Variants in PRKCA observed in about 807,000 individuals in gnomAD.
PRKCA encodes protein kinase C alpha.
Under a neutral mutation model 87.0 loss-of-function variants are expected in PRKCA, and 27 were observed. The observed-to-expected ratio is 0.31, with a 90% CI of 0.23 to 0.43. The LOEUF is 0.43. Among genes scored for constraint, PRKCA ranks in the 20% least tolerant of loss-of-function variants. The pLI is 1.00. For missense variants in PRKCA, 518 were observed against 852.3 expected (o/e 0.61, Z 4.88); for synonymous variants, 329 against 311.1 (o/e 1.06, Z -0.61).
chr17:66,351,331 G>C (rs1473260049), intron 2 of PRKCA, among the ~76,000 whole-genome samples: 5 of 152,252 alleles, frequency 3.3e-5, no homozygotes, highest in Non-Finnish European at 4.4e-5. Flanking sequence ...CTCCAGCCCA[G>C]TTTTGGTGCC....
intron 2 of PRKCA, among the ~76,000 whole-genome samples, chr17:66,467,901 AC>A (rs934056073): frequency 5.3e-5 from 8 of 152,080 alleles, no homozygotes; most frequent in African/African-American, 7.2e-5. Context: ...AAAAAAAAAA[AC>A]AACAGAAAAC....
intron 2 of PRKCA, among the ~76,000 whole-genome samples, chr17:66,447,793 C>T (rs76470287): frequency 0.022 from 3,427 of 152,324 alleles, 128 homozygotes; most frequent in African/African-American, 0.078. Flanking sequence ...GGCTATGTGG[C>T]TACCTCCTCA....
chr17:66,629,426 C>T (rs1394672011), intron 3 of PRKCA, among the ~76,000 whole-genome samples: 1 of 152,178 alleles, frequency 6.6e-6, no homozygotes, highest in South Asian at 2.1e-4. Flanking sequence ...GTACCTCACA[C>T]AATGACCTGA....
intron 2 of PRKCA, among the ~76,000 whole-genome samples, chr17:66,344,897 C>T (rs2143381018): frequency 1.3e-5 from 2 of 152,304 alleles, no homozygotes; most frequent in South Asian, 2.1e-4. Context: ...TCCCAAGTAG[C>T]TGGGAATGCA....
At chr17:66,537,809 G>T (rs1446328653) in intron 3 of PRKCA, among the ~76,000 whole-genome samples, 1 of 152,040 alleles carries the variant, frequency 6.6e-6, no homozygotes, top group Non-Finnish European at 1.5e-5. Flanking sequence ...TTCTTTTACT[G>T]GTTTGTTTAT....
intron 2 of PRKCA, among the ~76,000 whole-genome samples, chr17:66,314,989 A>G (rs987359968): frequency 4.6e-5 from 7 of 151,624 alleles, no homozygotes; most frequent in South Asian, 2.1e-4. Context: ...ATGTATGTGT[A>G]TATATATGTG....
intron 14 of PRKCA, among the ~76,000 whole-genome samples, chr17:66,780,426 C>T (rs1288189131): frequency 1.3e-5 from 2 of 152,178 alleles, no homozygotes; most frequent in Non-Finnish European, 2.9e-5. Flanking sequence ...CCTATAGTCT[C>T]AGCACTTTGG....
At position 66,521,207 on chromosome 17, in the gene PRKCA, C is replaced by T. The variant is rs185050229; in HGVS notation, c.288+24924C>T. ...CTGCAGTTTCTCTTGCAAGTATATTCACAGACAGTGAAAGGAAGTATTTGG... is the reference window on the plus strand; with the variant it reads ...CTGCAGTTTCTCTTGCAAGTATATTTACAGACAGTGAAAGGAAGTATTTGG... On this transcript the variant is annotated intron_variant, in intron 3 of 16. Coordinates refer to ENST00000413366, the MANE Select transcript of PRKCA (RefSeq NM_002737.3). Among the ~76,000 whole-genome samples, 408 of 152,206 alleles carry T rather than the reference C, an allele frequency of 2.7e-3. 2 individuals are homozygous for T. Among genetic ancestry groups the T allele is most frequent in the Non-Finnish European group, 4.9e-3 (332 of 67,998 alleles).
At chr17:66,420,739 AG>A (rs538975948) in intron 2 of PRKCA, among the ~76,000 whole-genome samples, 61 of 152,258 alleles carry the variant, frequency 4.0e-4, no homozygotes, top group Admixed American at 3.3e-3. Flanking sequence ...TTGTAGTCAG[AG>A]GGAAGAAAAG....
intron 2 of PRKCA, among the ~76,000 whole-genome samples, chr17:66,407,033 G>A (rs142830121): frequency 0.01 from 1,597 of 152,148 alleles, 15 homozygotes; most frequent in Non-Finnish European, 0.014. Context: ...GAAAGCCTGG[G>A]TTTTAATATT....
intron 2 of PRKCA, chr17:66,398,326 G>A (rs1426571196): frequency 1.3e-5 from 2 of 152,140 alleles, no homozygotes. Context: ...ACCCCTAGAG[G>A]GAAACTGAAG....
At chr17:66,529,990 G>A (rs1967483820) in intron 3 of PRKCA, among the ~76,000 whole-genome samples, 1 of 152,150 alleles carries the variant, frequency 6.6e-6, no homozygotes. Context: ...ACTGAGTCAG[G>A]GAGGAAGTAG....
At chr17:66,614,258 T>C (rs1480934985) in intron 3 of PRKCA, among the ~76,000 whole-genome samples, 1 of 152,218 alleles carries the variant, frequency 6.6e-6, no homozygotes, top group Non-Finnish European at 1.5e-5. Flanking sequence ...TGATTGTAGA[T>C]TTTCATGTAT....
Position 66,396,341 on chromosome 17 carries a change from G to T in PRKCA, c.205+90214G>T, listed in dbSNP as rs572222375. On this transcript the variant is annotated intron_variant, in intron 2 of 16. Transcript: ENST00000413366. The stretch of plus-strand genomic sequence containing the variant: ...TGGTAAAAACTGCTAGCAAACACTA[G>T]GCAAAATTTTTCTAAAAATCATTTG... 3.3e-5 allele frequency among the ~76,000 whole-genome samples: 5 copies of T among 152,126 alleles called. No homozygotes were observed. The South Asian group carries it at 1.0e-3, about 32-fold the overall frequency.
At chr17:66,502,226 A>T (rs928481079) in intron 3 of PRKCA, among the ~76,000 whole-genome samples, 4 of 151,352 alleles carry the variant, frequency 2.6e-5, no homozygotes, top group Admixed American at 6.6e-5. Flanking sequence ...TAGCACATTA[A>T]GCCCTTTTTA....
chr17:66,355,105 G>A (rs891240904), intron 2 of PRKCA, among the ~76,000 whole-genome samples: 4 of 152,176 alleles, frequency 2.6e-5, no homozygotes, highest in East Asian at 3.8e-4. Context: ...AGCACATTTC[G>A]TGGCATTTGC....
chr17:66,425,425 C>T (rs573551198), intron 2 of PRKCA, among the ~76,000 whole-genome samples: 80 of 152,220 alleles, frequency 5.3e-4, no homozygotes, highest in African/African-American at 1.8e-3. Flanking sequence ...GCCTTCCCCA[C>T]GGTGCTGTGA....
chr17:66,370,228 C>CTTTTTTTT (rs35851942), intron 2 of PRKCA, among the ~76,000 whole-genome samples: 4 of 112,242 alleles, frequency 3.6e-5, no homozygotes, highest in Non-Finnish European at 6.9e-5. Context: ...TATTTTGATA[C>CTTTTTTTT]TTTTTTTTTT....
At chr17:66,447,772 G>C (rs1914108654) in intron 2 of PRKCA, among the ~76,000 whole-genome samples, 1 of 152,174 alleles carries the variant, frequency 6.6e-6, no homozygotes, top group South Asian at 2.1e-4. Flanking sequence ...GCTCATTCCA[G>C]TTTCACCTGG....
Sources: gnomAD v4.1 joint callset for allele counts (sites outside exome capture counted in the v4.1 genomes callset) on GRCh38, gnomAD v4.1.1 for gene constraint, MANE v1.5 for transcripts, NCBI Gene and HGNC (gene_info 2026-07-23, HGNC 2026-07-21) for gene names.